The following PARD3B variants were observed in gnomAD, a reference collection of about 807,000 sequenced individuals.
PARD3B encodes the protein par-3 family cell polarity regulator beta, also known as partitioning defective 3 homolog B.
Under a neutral mutation model 130.2 loss-of-function variants are expected in PARD3B, and 103 were observed. The observed-to-expected ratio is 0.79, with a 90% CI of 0.67 to 0.93. The LOEUF is 0.93. Among genes scored for constraint, PARD3B ranks in the 40% least tolerant of loss-of-function variants. The pLI, the probability that PARD3B is intolerant of heterozygous loss-of-function variation, is 0.00. For missense variants in PARD3B, 1,609 were observed against 1,499.2 expected (o/e 1.07, Z -1.21); for synonymous variants, 583 against 553.2 (o/e 1.05, Z -0.76).
At chr2:204,872,354 TA>T (rs1397469041) in intron 2 of PARD3B, among the ~76,000 whole-genome samples, 1 of 152,116 alleles carries the variant, frequency 6.6e-6, no homozygotes, top group African/African-American at 2.4e-5. Context: ...AAGGAAGGAT[TA>T]AAAGTTTTGC....
chr2:205,506,264 C>T (rs186320732), intron 21 of PARD3B, among the ~76,000 whole-genome samples: 38 of 152,196 alleles, frequency 2.5e-4, no homozygotes, highest in Admixed American at 2.1e-3. Context: ...ACCCGGGAGG[C>T]GGAAGTTGCA....
At chr2:204,810,580 G>C (rs1286258237) in intron 2 of PARD3B, among the ~76,000 whole-genome samples, 1 of 151,878 alleles carries the variant, frequency 6.6e-6, no homozygotes, top group African/African-American at 2.4e-5. Context: ...TAATCATGTA[G>C]TTTTTGTCTT....
intron 16 of PARD3B, among the ~76,000 whole-genome samples, chr2:205,271,312 T>C (rs1559607926): frequency 6.6e-6 from 1 of 152,208 alleles, no homozygotes; most frequent in African/African-American, 2.4e-5. Flanking sequence ...CTTGATAATA[T>C]AGGAAACCAC....
Position 204,967,445 on chromosome 2 carries a change from C to T in PARD3B, c.394+2122C>T, listed in dbSNP as rs1249147111. On this transcript the variant is annotated intron_variant, in intron 3 of 22. Coordinates refer to ENST00000406610, the MANE Select transcript of PARD3B (RefSeq NM_001302769.2). The surrounding 1 kb of genome is among the most constrained non-coding windows in gnomAD (Gnocchi z 4.4). The stretch of plus-strand genomic sequence containing the variant: ...TTGCCAGAGCTGCCTTTCTAAATCA[C>T]AAATCTGATTATGTAATATAACTCC... 6.6e-6 allele frequency among the ~76,000 whole-genome samples: 1 copy of T among 152,132 alleles called. No homozygotes were observed. The highest frequency in any genetic ancestry group is 1.5e-5 in the Non-Finnish European group (1 of 68,030).
At chr2:204,939,945 G>C (rs1688776181) in intron 2 of PARD3B, among the ~76,000 whole-genome samples, 1 of 152,158 alleles carries the variant, frequency 6.6e-6, no homozygotes, top group African/African-American at 2.4e-5. Flanking sequence ...GATATCTCCT[G>C]ATAAGAGCAT....
At chr2:204,740,432 C>T (rs2039962091) in intron 2 of PARD3B, among the ~76,000 whole-genome samples, 1 of 152,312 alleles carries the variant, frequency 6.6e-6, no homozygotes, top group East Asian at 1.9e-4. Context: ...TTTCTGTAAA[C>T]AAGCCAGCTT....
chr2:205,006,736 C>A (rs1458755035), intron 3 of PARD3B, among the ~76,000 whole-genome samples: 2 of 152,000 alleles, frequency 1.3e-5, no homozygotes, highest in Non-Finnish European at 2.9e-5. Flanking sequence ...GCATAGTTTG[C>A]GAATATTTTC....
rs1327885709 is a variant in PARD3B, at chr2:204,803,273, A to G, written c.222+116991A>G. Among the ~76,000 whole-genome samples the G allele has an allele frequency of 2.0e-5, 3 of 151,564 alleles. No homozygotes were observed. In the East Asian group the frequency reaches 5.8e-4, roughly 29 times the overall value. On this transcript the variant is annotated intron_variant, in intron 2 of 22. Transcript: ENST00000406610. ...TTCATCAACACCAGACCGGTTCTATAAGAAGTGCTGAAGAGAGTTTTTCAA... is the reference window on the plus strand; with the variant it reads ...TTCATCAACACCAGACCGGTTCTATGAGAAGTGCTGAAGAGAGTTTTTCAA...
At chr2:205,602,239 G>A (rs1459561339) in intron 22 of PARD3B, among the ~76,000 whole-genome samples, 2 of 152,162 alleles carry the variant, frequency 1.3e-5, no homozygotes, top group African/African-American at 2.4e-5. Context: ...CTTGATTGTG[G>A]TGCATAAGCT....
intron 1 of PARD3B, among the ~76,000 whole-genome samples, chr2:204,621,742 A>G (rs1249267791): frequency 6.6e-6 from 1 of 152,194 alleles, no homozygotes; most frequent in East Asian, 1.9e-4. Context: ...TCTTTGAGTC[A>G]GGGAGAAAAG....
intron 2 of PARD3B, among the ~76,000 whole-genome samples, chr2:204,850,493 G>T (rs1004659040): frequency 2.0e-5 from 3 of 151,686 alleles, no homozygotes; most frequent in South Asian, 4.2e-4. Context: ...TATATATATA[G>T]ATATATGTAT....
In PARD3B at chr2:204,927,295, A is replaced by T. The variant is rs538877907; in HGVS notation, c.223-37857A>T. 6.6e-5 allele frequency among the ~76,000 whole-genome samples: 10 copies of T among 152,194 alleles called. No homozygotes were observed. In the East Asian group the frequency reaches 1.9e-3, roughly 30 times the overall value. On this transcript the variant is annotated intron_variant, in intron 2 of 22. Transcript: ENST00000406610. ...GGGAGGTGATTAAGTCATGAGGGCA[A>T]AGCCCTCATGAATAGGATTAGTGCC...
At chr2:205,202,183 T>C (rs1041248421) in intron 15 of PARD3B, among the ~76,000 whole-genome samples, 3 of 152,186 alleles carry the variant, frequency 2.0e-5, no homozygotes, top group African/African-American at 7.2e-5. Context: ...TTATAGACTA[T>C]TAGTAGTAGT....
At chr2:205,505,248 G>A (rs367572044) in intron 21 of PARD3B, among the ~76,000 whole-genome samples, 2 of 151,970 alleles carry the variant, frequency 1.3e-5, no homozygotes, top group South Asian at 2.1e-4. Flanking sequence ...TGTGGGGTGG[G>A]GGGAGTGGGG....
chr2:204,601,943 G>A (rs1323270928), intron 1 of PARD3B, among the ~76,000 whole-genome samples: 1 of 152,030 alleles, frequency 6.6e-6, no homozygotes, highest in African/African-American at 2.4e-5. Flanking sequence ...TGAAGGTGGT[G>A]TGCAGGTAGT....
At chr2:205,036,536 A>G (rs1417846596) in intron 3 of PARD3B, among the ~76,000 whole-genome samples, 1 of 149,452 alleles carries the variant, frequency 6.7e-6, no homozygotes, top group Non-Finnish European at 1.5e-5. Context: ...CAGACTATAT[A>G]TACAAAAAAT....
chr2:204,930,858 G>C (rs1392161114), intron 2 of PARD3B, among the ~76,000 whole-genome samples: 1 of 151,988 alleles, frequency 6.6e-6, no homozygotes. Flanking sequence ...CTTGTCTTAC[G>C]TCTGGTTTCC....
chr2:204,905,318 G>A (rs939454099), intron 2 of PARD3B, among the ~76,000 whole-genome samples: 9 of 152,168 alleles, frequency 5.9e-5, no homozygotes, highest in Admixed American at 5.9e-4. Context: ...TGGTGTTTGG[G>A]ACCTGGCATG....
intron 2 of PARD3B, among the ~76,000 whole-genome samples, chr2:204,776,852 G>A (rs2125443808): frequency 6.6e-6 from 1 of 151,988 alleles, no homozygotes; most frequent in South Asian, 2.1e-4. Flanking sequence ...TGTTAAATAT[G>A]CCTGGGCCAT....
Sources: gnomAD v4.1 joint callset for allele counts (sites outside exome capture counted in the v4.1 genomes callset) on GRCh38, gnomAD v4.1.1 for gene constraint, Gnocchi (gnomAD v3.1) non-coding constraint, MANE v1.5 for transcripts, NCBI Gene and HGNC (gene_info 2026-07-23, HGNC 2026-07-21) for gene names.